Variants in NELL1 observed in about 807,000 individuals in gnomAD.
NELL1 encodes protein kinase C-binding protein NELL1.
Under a neutral mutation model 107.4 loss-of-function variants are expected in NELL1, and 76 were observed. That is an observed-to-expected ratio of 0.71 (90% CI 0.59 to 0.86). NELL1 has a LOEUF of 0.86. NELL1 is among the 40% of genes least tolerant of loss of function. The pLI is 0.00. For missense variants in NELL1, 1,024 were observed against 1,005.5 expected (o/e 1.02, Z -0.25); for synonymous variants, 353 against 341.2 (o/e 1.03, Z -0.38).
At chr11:21,078,714 C>A (rs1015098049) in intron 12 of NELL1, among the ~76,000 whole-genome samples, 3 of 151,928 alleles carry the variant, frequency 2.0e-5, no homozygotes, top group Admixed American at 6.5e-5. Flanking sequence ...TTATGTCATA[C>A]CTGCAATATA....
rs575536210 is a variant in NELL1 at position 20,747,030 on chromosome 11, C to G, written c.185-36650C>G. ...ATTATTGGTCTGCTCCCCTTTGGCT[C>G]ACAGATATGTCTTGTTCACAATTAC... On this transcript the variant is annotated intron_variant, in intron 2 of 19. Coordinates refer to ENST00000357134, the MANE Select transcript of NELL1 (RefSeq NM_006157.5). Among the ~76,000 whole-genome samples, 7 of 152,268 alleles carry G rather than the reference C, an allele frequency of 4.6e-5. No individual in the cohort carries two copies. In the East Asian group the frequency reaches 1.4e-3, roughly 29 times the overall value.
intron 9 of NELL1, among the ~76,000 whole-genome samples, chr11:20,936,108 G>T (rs1850719802): frequency 6.6e-6 from 1 of 152,256 alleles, no homozygotes; most frequent in African/African-American, 2.4e-5. Flanking sequence ...GAAGAATTGG[G>T]CAGAAGGAGA....
intron 13 of NELL1, among the ~76,000 whole-genome samples, chr11:21,200,515 T>C (rs914077068): frequency 2.6e-5 from 4 of 152,204 alleles, no homozygotes; most frequent in African/African-American, 7.2e-5. Context: ...TGAAGTTCTT[T>C]ATAGATTCTA....
chr11:20,708,541 A>G (rs1468788330), intron 2 of NELL1, among the ~76,000 whole-genome samples: 11 of 151,764 alleles, frequency 7.2e-5, no homozygotes, highest in Admixed American at 7.2e-4. Context: ...TTGTCTATTC[A>G]TGTCCTTTGC....
At chr11:21,089,730 G>T (rs1468690906) in intron 12 of NELL1, among the ~76,000 whole-genome samples, 1 of 152,174 alleles carries the variant, frequency 6.6e-6, no homozygotes, top group African/African-American at 2.4e-5. Context: ...ATTCTATAGG[G>T]TGCGATTTTA....
chr11:20,999,254 A>G (rs1447291789), intron 12 of NELL1, among the ~76,000 whole-genome samples: 1 of 152,194 alleles, frequency 6.6e-6, no homozygotes, highest in Non-Finnish European at 1.5e-5. Context: ...TTTGTTTGCC[A>G]CATTGCCCAT....
intron 3 of NELL1, among the ~76,000 whole-genome samples, chr11:20,846,924 T>A (rs1848710751): frequency 6.6e-6 from 1 of 152,202 alleles, no homozygotes; most frequent in Admixed American, 6.5e-5. Context: ...ACCACAGTGG[T>A]AAGGCTAAGA....
At chr11:20,854,329 C>T (rs1209724788) in intron 4 of NELL1, among the ~76,000 whole-genome samples, 2 of 152,176 alleles carry the variant, frequency 1.3e-5, no homozygotes, top group Non-Finnish European at 2.9e-5. Context: ...TTTAAGTCTT[C>T]TTCCACCTCT....
At chr11:20,681,769 C>T (rs963110290) in intron 2 of NELL1, among the ~76,000 whole-genome samples, 12 of 152,056 alleles carry the variant, frequency 7.9e-5, no homozygotes, top group Non-Finnish European at 1.5e-4. Flanking sequence ...GGGCTGTGTT[C>T]TTTCTGGAAG....
chr11:21,011,018 G>A (rs1424838426), intron 12 of NELL1, among the ~76,000 whole-genome samples: 1 of 151,976 alleles, frequency 6.6e-6, no homozygotes, highest in Non-Finnish European at 1.5e-5. Context: ...CTTGATTGGG[G>A]GTTTCAATGT....
At chr11:20,686,148 A>C (rs1388984516) in intron 2 of NELL1, among the ~76,000 whole-genome samples, 2 of 152,070 alleles carry the variant, frequency 1.3e-5, no homozygotes, top group Non-Finnish European at 2.9e-5. Context: ...TCACCATCTG[A>C]TGTCCAGCTG....
At chr11:21,070,842 G>A (rs931209327) in intron 12 of NELL1, among the ~76,000 whole-genome samples, 16 of 152,158 alleles carry the variant, frequency 1.1e-4, no homozygotes, top group African/African-American at 3.9e-4. Flanking sequence ...AAGTATGAGT[G>A]ACCTTAGCCA....
At chr11:21,297,853 G>A (rs1004651660) in intron 14 of NELL1, among the ~76,000 whole-genome samples, 2 of 151,914 alleles carry the variant, frequency 1.3e-5, no homozygotes, top group Non-Finnish European at 2.9e-5. Context: ...AGTAACTCCT[G>A]TCTCAGATGA....
At chr11:21,163,124 C>A (rs931506439) in intron 13 of NELL1, among the ~76,000 whole-genome samples, 9 of 152,112 alleles carry the variant, frequency 5.9e-5, no homozygotes, top group African/African-American at 1.9e-4. Flanking sequence ...ACTGGTCATT[C>A]AAACACAAGT....
intron 12 of NELL1, among the ~76,000 whole-genome samples, chr11:21,104,164 C>A (rs1167511367): frequency 1.3e-5 from 2 of 152,148 alleles, no homozygotes; most frequent in Non-Finnish European, 2.9e-5. Context: ...TTGTTGGTAC[C>A]ATCAGTTGAA....
intron 2 of NELL1, among the ~76,000 whole-genome samples, chr11:20,756,380 C>T (rs1856288063): frequency 6.6e-6 from 1 of 151,710 alleles, no homozygotes; most frequent in African/African-American, 2.4e-5. Flanking sequence ...ACTCTTTCGC[C>T]CAGGCTGGAG....
intron 15 of NELL1, among the ~76,000 whole-genome samples, chr11:21,416,161 GATT>G (rs1473479553): frequency 1.3e-5 from 2 of 152,098 alleles, no homozygotes; most frequent in Non-Finnish European, 2.9e-5. Context: ...TGAGAGCAAA[GATT>G]GTTGTCTGTT....
At chr11:21,095,149 C>T (rs1392021225) in intron 12 of NELL1, among the ~76,000 whole-genome samples, 3 of 152,184 alleles carry the variant, frequency 2.0e-5, no homozygotes, top group East Asian at 3.9e-4. Flanking sequence ...TTCCACACAT[C>T]TCTAGGGCAG....
chr11:21,286,999 GTGT>G (rs1412759055), intron 14 of NELL1, among the ~76,000 whole-genome samples: 2 of 152,296 alleles, frequency 1.3e-5, no homozygotes, highest in Middle Eastern at 3.4e-3. Context: ...CGTAAAACCT[GTGT>G]TGTTGTGCCT....
Sources: allele counts gnomAD v4.1 joint callset (sites outside exome capture counted in the v4.1 genomes callset), GRCh38; gene constraint gnomAD v4.1.1; transcripts MANE v1.5; gene names NCBI Gene and HGNC (gene_info 2026-07-23, HGNC 2026-07-21).